The following TUSC3 variants were observed in gnomAD, a reference collection of about 807,000 sequenced individuals.
TUSC3 encodes tumor suppressor candidate 3.
In TUSC3, 45 loss-of-function variants were observed where a neutral mutation model predicts 44.8. The ratio of observed to expected loss-of-function variants is 1.00; its 90% CI spans 0.79 to 1.29. TUSC3 has a LOEUF of 1.29. Among genes scored for constraint, TUSC3 ranks in the 50% most tolerant of loss-of-function variants. The pLI is 0.00. For missense variants in TUSC3, 519 were observed against 437.9 expected, an observed-to-expected ratio of 1.19 and a Z score of -1.65; for synonymous variants, 212 against 152.9, an observed-to-expected ratio of 1.39 and a Z score of -2.85.
intron 6 of TUSC3, among the ~76,000 whole-genome samples, chr8:15,710,042 T>C (rs1809779778): frequency 6.6e-6 from 1 of 151,898 alleles, no homozygotes; most frequent in Admixed American, 6.6e-5. Flanking sequence ...TCTTCCCTCC[T>C]GGTGGACTTA....
At chr8:15,526,358 C>T (rs1563274471) in intron 2 of TUSC3, among the ~76,000 whole-genome samples, 1 of 152,092 alleles carries the variant, frequency 6.6e-6, no homozygotes, top group African/African-American at 2.4e-5. Context: ...ATAATGATTA[C>T]ATTCTATACA....
chr8:15,762,436 G>C (rs1368198910), intron 10 of TUSC3, among the ~76,000 whole-genome samples: 2 of 151,808 alleles, frequency 1.3e-5, no homozygotes, highest in Non-Finnish European at 2.9e-5. Context: ...CATTAATAAA[G>C]TACTCACAGA....
the TUSC3 span, among the ~76,000 whole-genome samples, chr8:15,831,130 T>C: frequency 8.5e-5 from 13 of 152,128 alleles, no homozygotes; most frequent in African/African-American, 1.2e-4. Flanking sequence ...AGAACAAAGA[T>C]GGAGCGCAAA....
At chr8:15,637,242 T>C (rs1435254616) in intron 2 of TUSC3, among the ~76,000 whole-genome samples, 1 of 146,178 alleles carries the variant, frequency 6.8e-6, no homozygotes, top group Non-Finnish European at 1.5e-5. Context: ...CTTAAACTTT[T>C]ATTTTGTTTT....
the TUSC3 span, among the ~76,000 whole-genome samples, chr8:15,790,553 T>G: frequency 1.3e-5 from 2 of 152,074 alleles, no homozygotes; most frequent in Non-Finnish European, 2.9e-5. Flanking sequence ...TGAGGGTAAC[T>G]AGAGGTTGCC....
At chr8:15,502,926 A>G (rs1032928317) in intron 2 of TUSC3, among the ~76,000 whole-genome samples, 2 of 152,106 alleles carry the variant, frequency 1.3e-5, no homozygotes, top group East Asian at 1.9e-4. Flanking sequence ...TCTTTATTCT[A>G]TTTTTTATTT....
the TUSC3 span, among the ~76,000 whole-genome samples, chr8:15,837,549 A>G: frequency 6.6e-6 from 1 of 151,808 alleles, no homozygotes; most frequent in Non-Finnish European, 1.5e-5. Context: ...AGCAATATTA[A>G]TCATCATTTG....
At chr8:15,611,730 A>G (rs1377172889) in intron 1 of TUSC3, among the ~76,000 whole-genome samples, 1 of 152,052 alleles carries the variant, frequency 6.6e-6, no homozygotes, top group Non-Finnish European at 1.5e-5. Flanking sequence ...TCTTTACTGA[A>G]CTATCAGTTT....
intron 7 of TUSC3, among the ~76,000 whole-genome samples, chr8:15,737,842 G>A (rs1253221011): frequency 3.9e-5 from 6 of 152,066 alleles, no homozygotes; most frequent in Non-Finnish European, 8.8e-5. Context: ...TGATCATCTA[G>A]CTTCTTCCTG....
intron 2 of TUSC3, among the ~76,000 whole-genome samples, chr8:15,645,767 C>T (rs1370106333): frequency 6.6e-6 from 1 of 152,056 alleles, no homozygotes; most frequent in Non-Finnish European, 1.5e-5. Flanking sequence ...TGACAAACAG[C>T]ATATGTTTGT....
intron 1 of TUSC3, among the ~76,000 whole-genome samples, chr8:15,609,666 C>T (rs1804678760): frequency 6.6e-6 from 1 of 151,812 alleles, no homozygotes; most frequent in Non-Finnish European, 1.5e-5. Context: ...ATCATGATTC[C>T]CATTATAATG....
At chr8:15,832,943 C>A in the TUSC3 span, among the ~76,000 whole-genome samples, 1 of 152,184 alleles carries the variant, frequency 6.6e-6, no homozygotes, top group South Asian at 2.1e-4. Flanking sequence ...TGATAGATAT[C>A]TACAAACTCT....
intron 1 of TUSC3, among the ~76,000 whole-genome samples, chr8:15,542,111 G>A (rs544733682): frequency 2.0e-4 from 30 of 151,832 alleles, no homozygotes; most frequent in Non-Finnish European, 3.5e-4. Flanking sequence ...ACATTTTAGA[G>A]AGACATAATA....
chr8:15,703,657 G>A (rs1809496872), intron 6 of TUSC3, among the ~76,000 whole-genome samples: 1 of 152,108 alleles, frequency 6.6e-6, no homozygotes. Flanking sequence ...AAAGTTATGG[G>A]GAGCCAGCAT....
rs866321394 is a variant in TUSC3 at position 15,540,618 on chromosome 8, T to A, written c.138+50T>A. The A allele has an allele frequency of 2.7e-6, 4 of 1,482,642 alleles. No homozygotes were observed. In the Middle Eastern group the frequency reaches 7.6e-4, roughly 283 times the overall value. The allele number at this position is 1,482,642 out of a possible 1,614,324, so 91.8% of individuals were successfully genotyped here. ...CCCTGTGGGCGGGGGCGGGCCAGGG[T>A]GGGCCGCGTTGCCAGGCAGCCCTGC... On this transcript the variant is annotated intron_variant, in intron 1 of 10. Coordinates refer to ENST00000503731, the MANE Select transcript of TUSC3 (RefSeq NM_006765.4).
intron 1 of TUSC3, among the ~76,000 whole-genome samples, chr8:15,582,492 C>T (rs1013687233): frequency 2.6e-5 from 4 of 152,116 alleles, no homozygotes; most frequent in Non-Finnish European, 5.9e-5. Flanking sequence ...TAATAAGTTT[C>T]TAAAAATTTA....
At chr8:15,783,353 C>T in the TUSC3 span, among the ~76,000 whole-genome samples, 1 of 152,110 alleles carries the variant, frequency 6.6e-6, no homozygotes, top group Non-Finnish European at 1.5e-5. Context: ...TGTCATTTTT[C>T]ACAGAAATAG....
intron 1 of TUSC3, among the ~76,000 whole-genome samples, chr8:15,467,581 A>G (rs774252501): frequency 1.3e-5 from 2 of 152,190 alleles, no homozygotes; most frequent in African/African-American, 4.8e-5. Flanking sequence ...GTCCTGAAAG[A>G]GTAAAGCCTT....
At chr8:15,471,704 G>A (rs1232619595) in intron 1 of TUSC3, among the ~76,000 whole-genome samples, 1 of 150,228 alleles carries the variant, frequency 6.7e-6, no homozygotes, top group Non-Finnish European at 1.5e-5. Flanking sequence ...TGCAACCTCC[G>A]CCCTCCAGGT....
Sources: allele counts gnomAD v4.1 joint callset (sites outside exome capture counted in the v4.1 genomes callset), GRCh38; gene constraint gnomAD v4.1.1; transcripts MANE v1.5; gene names NCBI Gene and HGNC (gene_info 2026-07-23, HGNC 2026-07-21).